The following SYCP2 variants were observed in gnomAD, a reference collection of about 807,000 sequenced individuals.
SYCP2 encodes the protein synaptonemal complex lateral element protein.
In SYCP2, 55 loss-of-function variants were observed where a neutral mutation model predicts 211.3. The observed-to-expected ratio is 0.26, with a 90% CI of 0.21 to 0.33. The LOEUF (loss-of-function observed/expected upper bound fraction) is 0.33, where lower values mean the gene tolerates loss of function less well. SYCP2 is among the 10% of genes least tolerant of loss of function. The pLI, the probability that SYCP2 is intolerant of heterozygous loss-of-function variation, is 1.00. For synonymous variants in SYCP2, 570 were observed against 555.2 expected, an observed-to-expected ratio of 1.03 and a Z score of -0.37; for missense variants, 1,731 against 1,752.0, an observed-to-expected ratio of 0.99 and a Z score of 0.21.
intron 24 of SYCP2, among the ~76,000 whole-genome samples, chr20:59,888,439 A>G (rs1051657386): frequency 1.3e-5 from 2 of 152,018 alleles, no homozygotes; most frequent in African/African-American, 4.8e-5. Context: ...ATCTAACAAA[A>G]TCCAACACAG....
intron 10 of SYCP2, 137 bp downstream of exon 10, chr20:59,915,028 A>T (rs2060410371): frequency 5.1e-6 from 3 of 592,718 alleles, no homozygotes; most frequent in African/African-American, 1.9e-5. Flanking sequence ...ATGTATATTT[A>T]TTAAAAATTG....
chr20:59,921,053 G>T (rs2060532330), intron 4 of SYCP2, among the ~76,000 whole-genome samples: 1 of 151,336 alleles, frequency 6.6e-6, no homozygotes, highest in African/African-American at 2.4e-5. Flanking sequence ...TTTTTCCCCA[G>T]TTTCAGCCAC....
intron 18 of SYCP2, among the ~76,000 whole-genome samples, chr20:59,897,237 G>GA (rs200888695): frequency 2.8e-3 from 421 of 152,188 alleles, no homozygotes; most frequent in African/African-American, 9.6e-3. Flanking sequence ...TAGAACAGGG[G>GA]AAAAAATGAT....
chr20:59,871,187 G>T (rs1389069570), intron 35 of SYCP2, among the ~76,000 whole-genome samples: 2 of 151,704 alleles, frequency 1.3e-5, no homozygotes, highest in Non-Finnish European at 2.9e-5. Context: ...TTAAAAATAA[G>T]AAAACAAACA....
chr20:59,905,328 T>C (rs2060193843), intron 15 of SYCP2, among the ~76,000 whole-genome samples: 2 of 152,166 alleles, frequency 1.3e-5, no homozygotes, highest in Non-Finnish European at 2.9e-5. Context: ...TACAGCAGCA[T>C]TTCATAATAG....
chr20:59,904,257 C>T (rs2060172735), intron 15 of SYCP2, among the ~76,000 whole-genome samples: 1 of 152,122 alleles, frequency 6.6e-6, no homozygotes, highest in African/African-American at 2.4e-5. Flanking sequence ...CATCCTCAGG[C>T]ATATACTCAG....
intron 5 of SYCP2, 118 bp downstream of exon 5, chr20:59,920,241 C>T: frequency 1.1e-6 from 1 of 901,766 alleles, no homozygotes; most frequent in South Asian, 2.0e-5. Flanking sequence ...TGTTTTATTC[C>T]CAAAATTGTA....
At chr20:59,913,863 C>T (rs969445198) in intron 12 of SYCP2, 112 bp downstream of exon 12, 43 of 696,224 alleles carry the variant, frequency 6.2e-5, no homozygotes, top group Non-Finnish European at 7.9e-5. Flanking sequence ...TACACTCCAA[C>T]ATAGTGTAGA....
intron 14 of SYCP2, among the ~76,000 whole-genome samples, chr20:59,907,904 ATG>A (rs2145814830): frequency 6.6e-6 from 1 of 152,326 alleles, no homozygotes; most frequent in East Asian, 1.9e-4. Context: ...TTCACTGAAA[ATG>A]TGTATAACTG....
chr20:59,914,197 T>G lies in SYCP2; in HGVS notation c.689A>C (p.Lys230Thr). The change falls in exon 11 of 45, where the codon AAA becomes ACA. Residue 230 changes from lysine to threonine, a missense_variant. Around this residue, in one of 3 missense-constraint regions of SYCP2, gnomAD observed 335 missense variants for 378.8 expected, o/e 0.88. Transcript: ENST00000357552. Reference protein sequence around the residue: ...VEALCRMTTEKQRQELAHQWF... With the variant: ...VEALCRMTTETQRQELAHQWF... The stretch of plus-strand genomic sequence containing the variant: ...CTGATGTGCCAGTTCTTGTCTTTGT[T>G]TTTCTGTGGTCATTCTACACAAAGC... The G allele has an allele frequency of 6.2e-7, 1 of 1,605,474 alleles. No individual in the cohort carries two copies. Among genetic ancestry groups the G allele is most frequent in the Non-Finnish European group, 8.5e-7 (1 of 1,173,924 alleles).
intron 33 of SYCP2, among the ~76,000 whole-genome samples, 200 bp from the exon 34 acceptor site, chr20:59,875,669 T>C (rs1462336440): frequency 1.3e-5 from 2 of 152,096 alleles, no homozygotes; most frequent in African/African-American, 4.8e-5. Context: ...TATAATACAT[T>C]TACTATAATA....
At chr20:59,896,329 A>G in intron 19 of SYCP2, 100 bp downstream of exon 19, 2 of 642,490 alleles carry the variant, frequency 3.1e-6, no homozygotes, top group Non-Finnish European at 5.3e-6. Flanking sequence ...TTTATACACC[A>G]AACTTATCCT....
chr20:59,874,031 G>A lies in SYCP2; in HGVS notation c.3380C>T (p.Thr1127Ile). ...CIEKITEKDFTQDYDCITKSI... is the reference protein window; with the variant it reads ...CIEKITEKDFIQDYDCITKSI... ...TTTTGTTATGCAGTCATAATCCTGA[G>A]TAAAATCCTTTTCTGTTATTTTCTC... Residue 1127 changes from threonine (T) to isoleucine (I), a missense_variant, in exon 35 of 45, where the codon ACT becomes ATT. This residue lies in a region of SYCP2 where 1,387 missense variants were observed against 1,351.3 expected (regional missense o/e 1.03). Transcript: ENST00000357552. The A allele has an allele frequency of 6.2e-7, 1 of 1,604,466 alleles. No individual in the cohort carries two copies. The highest frequency in any genetic ancestry group is 8.5e-7 in the Non-Finnish European group (1 of 1,176,176).
rs1467053372 is a variant in SYCP2, at chr20:59,866,345, T to G, written c.4268A>C (p.Glu1423Ala). 6 of 1,597,978 alleles carry G rather than the reference T, an allele frequency of 3.8e-6. No homozygotes were observed. The South Asian group carries it at 5.7e-5, about 15-fold the overall frequency. ...AGACTGTGAATCTTTTTCAAAATTC[T>G]CCAGCTCCTCTATGATAATGAATTG... ...KFQFIIIEEL[E>A]NFEKDSQSLK... Residue 1423 changes from glutamate (E) to alanine (A), a missense_variant, in exon 41 of 45, where the codon GAG becomes GCG. Coordinates refer to ENST00000357552, the MANE Select transcript of SYCP2 (RefSeq NM_014258.4).
intron 2 of SYCP2, among the ~76,000 whole-genome samples, chr20:59,930,280 TAAA>T (rs2060713360): frequency 6.6e-6 from 1 of 152,174 alleles, no homozygotes; most frequent in African/African-American, 2.4e-5. Flanking sequence ...AAAAAATGCT[TAAA>T]GAAGTCGGGG....
intron 34 of SYCP2, among the ~76,000 whole-genome samples, chr20:59,874,829 C>G (rs1243641042): frequency 1.3e-5 from 2 of 151,844 alleles, no homozygotes; most frequent in Non-Finnish European, 2.9e-5. Flanking sequence ...AAAGCATAAC[C>G]TCAACTGTAT....
At position 59,911,781 on chromosome 20, in the gene SYCP2, G is replaced by A. The variant is rs2060333915; in HGVS notation, c.941C>T (p.Thr314Ile). The change falls in exon 14 of 45, where the codon ACT (threonine) becomes ATT (isoleucine). Residue 314 changes from threonine (T) to isoleucine (I), a missense_variant. This residue lies in a region of SYCP2 where 335 missense variants were observed against 378.8 expected (regional missense o/e 0.88). Coordinates refer to ENST00000357552, the MANE Select transcript of SYCP2 (RefSeq NM_014258.4). ...FWIDFNLGSQ[T>I]LSFYIAGDND... ...ATCTCCAGCAATGTAGAATGAGAGA[G>A]TCTGACTCCCAAGATTAAAATCAAT... is the stretch of plus-strand genomic sequence containing the variant. 6.3e-7 allele frequency: 1 copy of A among 1,590,614 alleles called. No individual in the cohort carries two copies. Among genetic ancestry groups the A allele is most frequent in the Non-Finnish European group, 8.6e-7 (1 of 1,165,324 alleles).
chr20:59,902,840 G>A (rs540341287), intron 15 of SYCP2, among the ~76,000 whole-genome samples: 1 of 152,258 alleles, frequency 6.6e-6, no homozygotes, highest in East Asian at 1.9e-4. Flanking sequence ...AAGTTAAACA[G>A]TGACAAGTTT....
intron 34 of SYCP2, 46 bp from the exon 35 acceptor site, chr20:59,874,107 C>A: frequency 2.0e-6 from 2 of 1,020,432 alleles, no homozygotes; most frequent in South Asian, 1.8e-5. Context: ...CAAGCGTTAT[C>A]ATTGATGTCT....
Sources: allele counts gnomAD v4.1 joint callset (sites outside exome capture counted in the v4.1 genomes callset), GRCh38; gene constraint gnomAD v4.1.1; regional missense constraint gnomAD v4.1.1; transcripts MANE v1.5; gene names NCBI Gene and HGNC (gene_info 2026-07-23, HGNC 2026-07-21).